SACS: variants seen among roughly 807,000 people sequenced by gnomAD.
SACS encodes sacsin molecular chaperone, also known as sacsin.
Under a neutral mutation model 348.0 loss-of-function variants are expected in SACS, and 197 were observed. The ratio of observed to expected loss-of-function variants is 0.57; its 90% CI spans 0.50 to 0.64. The LOEUF is 0.64. Ranked by LOEUF, SACS falls within the 30% of genes least tolerant of loss-of-function variation. The pLI, the probability that SACS is intolerant of heterozygous loss-of-function variation, is 0.00. For missense variants in SACS, 4,999 were observed against 5,360.8 expected, an observed-to-expected ratio of 0.93 and a Z score of 2.11; for synonymous variants, 1,985 against 1,910.6, an observed-to-expected ratio of 1.04 and a Z score of -1.02.
At position 23,339,036 on chromosome 13, in the gene SACS, A is replaced by G. The variant is rs771080306; in HGVS notation, c.4840T>C (p.Phe1614Leu). Reference sequence around the variant, plus strand: ...ATAAATGGTTTGAACTGATTAGGAAATTTTCTAAGTCTTTTCTGTTGTTTA... The same window carrying G: ...ATAAATGGTTTGAACTGATTAGGAAGTTTTCTAAGTCTTTTCTGTTGTTTA... ...WSKQQKRLRKFPNQFKPFIDV... is the reference protein window; with the variant it reads ...WSKQQKRLRKLPNQFKPFIDV... Residue 1614 changes from phenylalanine (F) to leucine (L), a missense_variant, in exon 10 of 10, where the codon TTT (phenylalanine) becomes CTT (leucine). By Grantham distance (22) the Phe-to-Leu change is conservative (BLOSUM62 0). This residue lies in a region of SACS where 3,156 missense variants were observed against 3,380.1 expected (regional missense o/e 0.93). Coordinates refer to ENST00000382292, the MANE Select transcript of SACS (RefSeq NM_014363.6). 4.3e-6 allele frequency: 7 copies of G among 1,613,384 alleles called. 1 individual carries two copies. In the South Asian group the frequency reaches 6.6e-5, roughly 15 times the overall value.
At chr13:23,360,212 T>C (rs1870643864) in intron 6 of SACS, among the ~76,000 whole-genome samples, 1 of 152,154 alleles carries the variant, frequency 6.6e-6, no homozygotes, top group Non-Finnish European at 1.5e-5. Context: ...TCATTACTGT[T>C]ATTATAAGCA....
rs754014908 is a variant in SACS at position 23,358,496 on chromosome 13, G to A, written c.458-15C>T. On this transcript the variant is annotated splice_polypyrimidine_tract_variant and intron_variant, in intron 6 of 9. Coordinates refer to ENST00000382292, the MANE Select transcript of SACS (RefSeq NM_014363.6). Reference sequence around the variant, plus strand: ...GAGAGCTGGCCCTAGGTGTGAAAATGCGCAGGCAGGAATTCAAAAAAGATA... The same window carrying A: ...GAGAGCTGGCCCTAGGTGTGAAAATACGCAGGCAGGAATTCAAAAAAGATA... The A allele has an allele frequency of 1.2e-6, 2 of 1,613,910 alleles. No individual in the cohort carries two copies. The highest frequency in any genetic ancestry group is 2.2e-5 in the South Asian group (2 of 91,084).
intron 2 of SACS, chr13:23,375,482 C>A: frequency 8.7e-7 from 1 of 1,154,040 alleles, no homozygotes; most frequent in Non-Finnish European, 1.1e-6. Flanking sequence ...GGCGCAGTCC[C>A]GTACGCAGCA....
At chr13:23,365,371 A>G (rs1871001611) in intron 5 of SACS, 94 bp from the exon 6 acceptor site, 3 of 753,932 alleles carry the variant, frequency 4.0e-6, no homozygotes, top group Non-Finnish European at 6.4e-6. Context: ...AAGTTAATAT[A>G]CTTAAATAAA....
At chr13:23,396,097 A>G (rs866012892) in intron 2 of SACS, among the ~76,000 whole-genome samples, 6 of 151,976 alleles carry the variant, frequency 3.9e-5, no homozygotes, top group South Asian at 2.1e-4. Flanking sequence ...GCCGAGGTGG[A>G]CAGATTATTT....
intron 3 of SACS, among the ~76,000 whole-genome samples, chr13:23,373,158 GAAGTGGGT>G (rs1197194444): frequency 6.6e-6 from 1 of 152,196 alleles, no homozygotes; most frequent in African/African-American, 2.4e-5. Context: ...AGGAACCAAA[GAAGTGGGT>G]ATAGACCCAG....
intron 2 of SACS, among the ~76,000 whole-genome samples, chr13:23,407,491 G>A (rs912908892): frequency 2.0e-5 from 3 of 152,170 alleles, no homozygotes; most frequent in South Asian, 2.1e-4. Context: ...GAGCCACCAC[G>A]CCCGGCCTGT....
At chr13:23,422,627 G>C (rs1351118593) in intron 1 of SACS, among the ~76,000 whole-genome samples, 1 of 149,372 alleles carries the variant, frequency 6.7e-6, no homozygotes, top group Non-Finnish European at 1.5e-5. Context: ...AACTAAAACA[G>C]TCTGTGTGCA....
chr13:23,368,280 A>C (rs1488114028), intron 5 of SACS, 122 bp downstream of exon 5: 1 of 680,288 alleles, frequency 1.5e-6, no homozygotes, highest in African/African-American at 1.8e-5. Flanking sequence ...CAGAGGTATA[A>C]TACAGCTATT....
In SACS at chr13:23,430,037, G is replaced by A. The variant is rs375012276; in HGVS notation, c.-502+3578C>T. ...AGCCTGGGCAACATGGTGAAACTCC[G>A]TCTCTACTAAAAATACAAAAATTAG... On this transcript the variant is annotated intron_variant, in intron 1 of 9. Transcript: ENST00000382292. Among the ~76,000 whole-genome samples the A allele has an allele frequency of 3.0e-4, 45 of 151,966 alleles. No homozygotes were observed. In the South Asian group the frequency reaches 7.9e-3, roughly 27 times the overall value.
At position 23,340,335 on chromosome 13, in the gene SACS, A is replaced by T; in HGVS notation, c.3541T>A (p.Cys1181Ser). 1.2e-6 allele frequency: 2 copies of T among 1,613,990 alleles called. No homozygotes were observed. The highest frequency in any genetic ancestry group is 2.2e-5 in the South Asian group (2 of 91,036). ...LVWKGDLCNL[C>S]APPDMCDVGH... The stretch of plus-strand genomic sequence containing the variant: ...ACATCACACATATCTGGTGGTGCAC[A>T]GAGATTACAGAGATCTCCTTTCCAG... The change falls in exon 10 of 10, where the codon TGT becomes AGT. Residue 1181 changes from cysteine (C) to serine (S), a missense_variant. Around this residue, in one of 6 missense-constraint regions of SACS, gnomAD observed 3,156 missense variants for 3,380.1 expected, o/e 0.93. Transcript: ENST00000382292.
intron 3 of SACS, among the ~76,000 whole-genome samples, chr13:23,372,153 T>C (rs1009824442): frequency 6.6e-6 from 1 of 152,126 alleles, no homozygotes; most frequent in African/African-American, 2.4e-5. Flanking sequence ...AGTGAACTAG[T>C]TTTTATAGGC....
chr13:23,356,246 C>T (rs1475466735), intron 7 of SACS, among the ~76,000 whole-genome samples: 2 of 152,150 alleles, frequency 1.3e-5, no homozygotes, highest in Admixed American at 6.5e-5. Flanking sequence ...CTGTGAAAAC[C>T]TAGGAGACAT....
rs117597690 is a variant in SACS at position 23,423,462 on chromosome 13, G to A, written c.-502+10153C>T. On this transcript the variant is annotated intron_variant, in intron 1 of 9. Transcript: ENST00000382292. Reference sequence around the variant, plus strand: ...CAATCTATGTGCGAAGAAGCTTTAGGATGCACTGTTTTATATCACTGAATG... The same window carrying A: ...CAATCTATGTGCGAAGAAGCTTTAGAATGCACTGTTTTATATCACTGAATG... Among the ~76,000 whole-genome samples, 563 of 152,276 alleles carry A rather than the reference G, an allele frequency of 3.7e-3. 2 individuals are homozygous for A. The highest frequency in any genetic ancestry group is 6.2e-3 in the Non-Finnish European group (420 of 68,020).
intron 7 of SACS, among the ~76,000 whole-genome samples, chr13:23,356,474 G>C (rs575295784): frequency 2.0e-5 from 3 of 152,202 alleles, no homozygotes; most frequent in Non-Finnish European, 4.4e-5. Context: ...AGCTCATGAG[G>C]TACATTCCCT....
At chr13:23,419,765 C>T (rs1257140387) in intron 1 of SACS, among the ~76,000 whole-genome samples, 1 of 152,152 alleles carries the variant, frequency 6.6e-6, no homozygotes, top group African/African-American at 2.4e-5. Context: ...TTGCGAGTTC[C>T]TTATCTTCAG....
In SACS at chr13:23,331,769, C is replaced by G; in HGVS notation, c.12107G>C (p.Arg4036Thr). The G allele has an allele frequency of 6.2e-7, 1 of 1,613,926 alleles. No homozygotes were observed. The stretch of plus-strand genomic sequence containing the variant: ...TCCTTCTCTTAGGGCTTTGCAAAGT[C>G]TTATGGCTTTTTCTTCATTGGCCAG... ...AFLANEEKAIRLCKALREGLK... is the reference protein window; with the variant it reads ...AFLANEEKAITLCKALREGLK... Residue 4036 changes from arginine (R) to threonine (T), a missense_variant, in exon 10 of 10, where the codon AGA becomes ACA. Arg to Thr is a moderately conservative substitution (Grantham distance 71). Around this residue, in one of 6 missense-constraint regions of SACS, gnomAD observed 831 missense variants for 941.8 expected, o/e 0.88. Transcript: ENST00000382292.
chr13:23,379,890 C>T (rs943975290), intron 2 of SACS, among the ~76,000 whole-genome samples: 1 of 152,158 alleles, frequency 6.6e-6, no homozygotes, highest in African/African-American at 2.4e-5. Flanking sequence ...CTTTATGCCC[C>T]AGGCAGGACA....
At chr13:23,354,401 T>C in intron 8 of SACS, 118 bp downstream of exon 8, 1 of 832,598 alleles carries the variant, frequency 1.2e-6, no homozygotes, top group East Asian at 2.6e-5. Flanking sequence ...TGCAAAAGTC[T>C]TCCTAACTAT....
Sources: gnomAD v4.1 joint callset for allele counts (sites outside exome capture counted in the v4.1 genomes callset) on GRCh38, gnomAD v4.1.1 for gene constraint, gnomAD v4.1.1 regional missense constraint, MANE v1.5 for transcripts, NCBI Gene and HGNC (gene_info 2026-07-23, HGNC 2026-07-21) for gene names.